COL5A1: variants seen among roughly 807,000 people sequenced by gnomAD.
COL5A1 encodes collagen type V alpha 1 chain, also known as collagen alpha-1(V) chain.
In COL5A1, 16 loss-of-function variants were observed where a neutral mutation model predicts 263.7. The observed-to-expected ratio is 0.06, with a 90% confidence interval of 0.04 to 0.09. The LOEUF (loss-of-function observed/expected upper bound fraction) is 0.09, where lower values mean the gene tolerates loss of function less well. Among genes scored for constraint, COL5A1 ranks in the 10% least tolerant of loss-of-function variants. COL5A1 has a pLI of 1.00. For missense variants in COL5A1, 2,036 were observed against 2,540.5 expected, an observed-to-expected ratio of 0.80 and a Z score of 4.27; for synonymous variants, 1,012 against 1,004.5, an observed-to-expected ratio of 1.01 and a Z score of -0.14.
At position 134,774,776 on chromosome 9, in the gene COL5A1, T is replaced by C. The variant is rs551567757; in HGVS notation, c.2332-83T>C. On this transcript the variant is annotated intron_variant, in intron 26 of 65. Transcript: ENST00000371817. ...CGCCCTGCTCTCAGCAGGAGGGGTATGCCGAACTCTGGAGTTTCCTGATGT... is the reference window on the plus strand; with the variant it reads ...CGCCCTGCTCTCAGCAGGAGGGGTACGCCGAACTCTGGAGTTTCCTGATGT... 5.0e-6 allele frequency: 7 copies of C among 1,410,774 alleles called. No individual in the cohort carries two copies. The South Asian group carries it at 8.5e-5, about 17-fold the overall frequency. 87.4% of individuals were successfully genotyped at this position (1,410,774 alleles called of 1,614,324 possible).
At chr9:134,693,664 T>G (rs1006181109) in intron 2 of COL5A1, among the ~76,000 whole-genome samples, 2 of 152,158 alleles carry the variant, frequency 1.3e-5, no homozygotes, top group Admixed American at 6.5e-5. Context: ...TGCCTTTGAA[T>G]TGACGCCATA....
chr9:134,756,761 C>G lies in COL5A1; in HGVS notation c.1828-4C>G. 2 of 1,613,964 alleles carry G rather than the reference C, an allele frequency of 1.2e-6. No homozygotes were observed. Among genetic ancestry groups the G allele is most frequent in the Non-Finnish European group, 1.7e-6 (2 of 1,179,984 alleles). ...CATTGACGGTTTTGCCTCCTTTGTTCCAGGGTCGGGCTGGGAGTGATGGAG... is the reference window on the plus strand; with the variant it reads ...CATTGACGGTTTTGCCTCCTTTGTTGCAGGGTCGGGCTGGGAGTGATGGAG... On this transcript the variant is annotated splice_polypyrimidine_tract_variant and splice_region_variant and intron_variant, in intron 16 of 65. Coordinates refer to ENST00000371817, the MANE Select transcript of COL5A1 (RefSeq NM_000093.5).
intron 4 of COL5A1, among the ~76,000 whole-genome samples, chr9:134,720,463 GCT>G (rs1216182968): frequency 1.3e-5 from 2 of 152,208 alleles, no homozygotes; most frequent in African/African-American, 2.4e-5. Context: ...CTGTGAAAAT[GCT>G]CTCAGCATAC....
rs779287589 is a variant in COL5A1, at chr9:134,768,404, T to C, written c.2233-6T>C. The C allele has an allele frequency of 6.2e-7, 1 of 1,613,916 alleles. No individual in the cohort carries two copies. Among genetic ancestry groups the C allele is most frequent in the African/African-American group, 1.3e-5 (1 of 75,046 alleles). On this transcript the variant is annotated splice_region_variant and splice_polypyrimidine_tract_variant and intron_variant, in intron 24 of 65. Transcript: ENST00000371817. ...ATCTCCTCATGGAGTCTCTGGTTTG[T>C]TCTAGGGTCCCTTGGGGAAACCAGG...
chr9:134,790,373 T>G (rs1268896515), intron 32 of COL5A1, among the ~76,000 whole-genome samples: 1 of 117,678 alleles, frequency 8.5e-6, no homozygotes, highest in African/African-American at 3.3e-5. Flanking sequence ...CATCCATCCA[T>G]GCATCCATCC....
At chr9:134,771,332 C>A (rs191425731) in intron 25 of COL5A1, among the ~76,000 whole-genome samples, 32 of 152,360 alleles carry the variant, frequency 2.1e-4, no homozygotes, top group African/African-American at 7.7e-4. Context: ...CTCTAGTTGG[C>A]TCTGTTCAGG....
intron 37 of COL5A1, among the ~76,000 whole-genome samples, chr9:134,800,142 C>T (rs1838053897): frequency 6.6e-6 from 1 of 152,234 alleles, no homozygotes; most frequent in South Asian, 2.1e-4. Context: ...TAAATGTGAG[C>T]CAGAAACTTA....
chr9:134,716,299 C>T lies in COL5A1; in HGVS notation c.655-10967C>T, dbSNP rs1834258154. Among the ~76,000 whole-genome samples the T allele has an allele frequency of 6.6e-6, 1 of 152,218 alleles. No individual in the cohort carries two copies. Among genetic ancestry groups the T allele is most frequent in the Non-Finnish European group, 1.5e-5 (1 of 68,036 alleles). On this transcript the variant is annotated intron_variant, in intron 4 of 65. Coordinates refer to ENST00000371817, the MANE Select transcript of COL5A1 (RefSeq NM_000093.5). The surrounding 1 kb of genome is among the most constrained non-coding windows in gnomAD (Gnocchi z 4.5). ...AGGGAGGGACCCGGTGCCCAGGCCT[C>T]CTGTGGTCAGTGCCTTCCCTGTGCC... is the stretch of plus-strand genomic sequence containing the variant.
chr9:134,750,425 T>G, intron 11 of COL5A1, 117 bp from the exon 12 acceptor site: 1 of 894,586 alleles, frequency 1.1e-6, no homozygotes, highest in Non-Finnish European at 1.8e-6. Flanking sequence ...TCACAGCTTC[T>G]GTGCGTGTCC....
intron 18 of COL5A1, among the ~76,000 whole-genome samples, chr9:134,761,175 CACAT>C (rs138735991): frequency 0.058 from 8,681 of 149,508 alleles, 358 homozygotes; most frequent in Non-Finnish European, 0.088. Flanking sequence ...CACCTATACA[CACAT>C]ATGCACCCCC....
chr9:134,823,451 A>G lies in COL5A1; in HGVS notation c.4680A>G (p.Pro1560=). The change falls in exon 61 of 66, where the codon CCA becomes CCG. Residue 1560 remains proline, a synonymous_variant. Transcript: ENST00000371817. The part of the protein sequence containing the change: ...PTGPKGEAGH[P]GPPGPPGPPG... The stretch of plus-strand genomic sequence containing the variant: ...GCCCGAAGGGTGAGGCAGGCCACCC[A>G]GGACCCCCAGGCCCCCCGGTAAGTA... The G allele has an allele frequency of 6.8e-6, 11 of 1,614,186 alleles. No individual in the cohort carries two copies. Among genetic ancestry groups the G allele is most frequent in the South Asian group, 2.2e-5 (2 of 91,088 alleles).
rs1390829940 is a variant in COL5A1, at chr9:134,821,017, C to A, written c.4554+794C>A. 1.3e-5 allele frequency among the ~76,000 whole-genome samples: 2 copies of A among 152,238 alleles called. No homozygotes were observed. The highest frequency in any genetic ancestry group is 2.9e-5 in the Non-Finnish European group (2 of 68,006). ...AGTAAGGTGGCACCCTCACTATGGG[C>A]CCGGGGAAGGTTGCAGGACATGGCT... On this transcript the variant is annotated intron_variant, in intron 58 of 65. Coordinates refer to ENST00000371817, the MANE Select transcript of COL5A1 (RefSeq NM_000093.5). The surrounding 1 kb of genome is among the most constrained non-coding windows in gnomAD (Gnocchi z 4.2).
In COL5A1 at chr9:134,730,230, T is replaced by C. The variant is rs762522930; in HGVS notation, c.925-6T>C. ...GACTCCAGCTGTCTCTGTCCTTGGC[T>C]CCCAGGAGCTGACCCCGACCCCCAC... On this transcript the variant is annotated splice_polypyrimidine_tract_variant and splice_region_variant and intron_variant, in intron 6 of 65. Coordinates refer to ENST00000371817, the MANE Select transcript of COL5A1 (RefSeq NM_000093.5). The C allele has an allele frequency of 1.9e-6, 3 of 1,613,098 alleles. No individual in the cohort carries two copies. Among genetic ancestry groups the C allele is most frequent in the African/African-American group, 2.7e-5 (2 of 74,934 alleles).
At position 134,765,587 on chromosome 9, in the gene COL5A1, T is replaced by C; in HGVS notation, c.2035-94T>C. The C allele has an allele frequency of 1.8e-6, 2 of 1,139,428 alleles. No homozygotes were observed. The highest frequency in any genetic ancestry group is 2.7e-6 in the Non-Finnish European group (2 of 753,914). The allele number at this position is 1,139,428 out of a possible 1,614,324, so 70.6% of individuals were successfully genotyped here. On this transcript the variant is annotated intron_variant, in intron 20 of 65. Coordinates refer to ENST00000371817, the MANE Select transcript of COL5A1 (RefSeq NM_000093.5). This position sits in a 1 kb window ranked among gnomAD's most constrained non-coding sequence, Gnocchi z 5.1. ...AGGCCTGAGTCACCAGCTGGGGTTC[T>C]GGGTGGAGTCAGGGCCAAGTGGGCA...
At chr9:134,802,629 G>A (rs903572312) in intron 38 of COL5A1, among the ~76,000 whole-genome samples, 2 of 152,224 alleles carry the variant, frequency 1.3e-5, no homozygotes, top group African/African-American at 4.8e-5. Flanking sequence ...GGCAGGCTTG[G>A]CCGTGCCTCC....
At chr9:134,771,381 T>C (rs1055934938) in intron 25 of COL5A1, among the ~76,000 whole-genome samples, 40 of 152,346 alleles carry the variant, frequency 2.6e-4, no homozygotes, top group Admixed American at 2.6e-3. Flanking sequence ...GCCATGAGCC[T>C]TGTTTCCGGA....
At position 134,814,871 on chromosome 9, in the gene COL5A1, C is replaced by T; in HGVS notation, c.3981C>T (p.Gly1327=). Residue 1327 remains glycine (G), a synonymous_variant, in exon 50 of 66, where the codon GGC becomes GGT. Coordinates refer to ENST00000371817, the MANE Select transcript of COL5A1 (RefSeq NM_000093.5). The part of the protein sequence containing the change: ...SGAAGPPGPK[G]PPGDDGPKGS... ...CTGCCGGACCCCCTGGACCCAAAGGCCCTCCCGGAGATGATGGTCCCAAAG... is the reference window on the plus strand; with the variant it reads ...CTGCCGGACCCCCTGGACCCAAAGGTCCTCCCGGAGATGATGGTCCCAAAG... 1 of 1,551,246 alleles carries T rather than the reference C, an allele frequency of 6.4e-7. No homozygotes were observed. Among genetic ancestry groups the T allele is most frequent in the East Asian group, 2.4e-5 (1 of 40,928 alleles).
chr9:134,678,476 G>T lies in COL5A1; in HGVS notation c.110-12436G>T, dbSNP rs976369767. Among the ~76,000 whole-genome samples the T allele has an allele frequency of 6.6e-6, 1 of 152,256 alleles. No homozygotes were observed. Among genetic ancestry groups the T allele is most frequent in the Non-Finnish European group, 1.5e-5 (1 of 68,052 alleles). On this transcript the variant is annotated intron_variant, in intron 1 of 65. Transcript: ENST00000371817. The surrounding 1 kb of genome is among the most constrained non-coding windows in gnomAD (Gnocchi z 5.5). ...CCCGGTGTGTGTCCCTGACTCAGGGGTCCCATCGGCAGGTGTGTTGGCTGG... is the reference window on the plus strand; with the variant it reads ...CCCGGTGTGTGTCCCTGACTCAGGGTTCCCATCGGCAGGTGTGTTGGCTGG...
At chr9:134,773,332 C>A (rs185801006) in intron 26 of COL5A1, among the ~76,000 whole-genome samples, 1 of 152,114 alleles carries the variant, frequency 6.6e-6, no homozygotes, top group Non-Finnish European at 1.5e-5. Context: ...CCATGCAGCA[C>A]GTCCACCAGC....
Sources: gnomAD v4.1 joint callset for allele counts (sites outside exome capture counted in the v4.1 genomes callset) on GRCh38, gnomAD v4.1.1 for gene constraint, Gnocchi (gnomAD v3.1) non-coding constraint, MANE v1.5 for transcripts, NCBI Gene and HGNC (gene_info 2026-07-23, HGNC 2026-07-21) for gene names.